POLN: variants seen among roughly 807,000 people sequenced by gnomAD.
POLN encodes DNA polymerase nu, also known as DNA polymerase N.
POLN carries 108 observed loss-of-function variants against 113.5 expected under a neutral mutation model. The ratio of observed to expected loss-of-function variants is 0.95; its 90% confidence interval spans 0.81 to 1.12. POLN has a LOEUF of 1.12. Among genes scored for constraint, POLN ranks in the 50% most tolerant of loss-of-function variants. The probability of loss-of-function intolerance (pLI) is 0.00; values close to 1 mark genes in which losing one functional copy is unlikely to be tolerated. For missense variants in POLN, 1,097 were observed against 1,077.1 expected, an observed-to-expected ratio of 1.02 and a Z score of -0.26; for synonymous variants, 386 against 391.5, an observed-to-expected ratio of 0.99 and a Z score of 0.17.
Position 2,171,105 on chromosome 4 carries a change from A to C in POLN, c.1451T>G (p.Leu484Arg). Residue 484 changes from leucine to arginine, a missense_variant, in exon 12 of 26, where the codon CTT (leucine) becomes CGT (arginine). Transcript: ENST00000511885. Reference sequence around the variant, plus strand: ...ACCAAAATTCAGCTTTACCTCTCGAAGCTGGTTATTGCTCGTTATAAGAAA... The same window carrying C: ...ACCAAAATTCAGCTTTACCTCTCGACGCTGGTTATTGCTCGTTATAAGAAA... ...ERFLITSNNQ[L>R]REILFGKLKL... The C allele has an allele frequency of 6.2e-7, 1 of 1,612,142 alleles. No homozygotes were observed. Among genetic ancestry groups the C allele is most frequent in the South Asian group, 1.1e-5 (1 of 90,316 alleles).
chr4:2,085,778 C>G, intron 20 of POLN, 34 bp from the exon 21 acceptor site: 1 of 1,610,562 alleles, frequency 6.2e-7, no homozygotes, highest in South Asian at 1.1e-5. Context: ...CAAAGCCTCA[C>G]TCACACCAGC....
chr4:2,149,154 C>T (rs1481523418), intron 16 of POLN, among the ~76,000 whole-genome samples: 1 of 151,940 alleles, frequency 6.6e-6, no homozygotes, highest in Non-Finnish European at 1.5e-5. Context: ...ATTAGCTGAG[C>T]GCAGTGGTAT....
chr4:2,148,785 C>G (rs1305156383), intron 16 of POLN, among the ~76,000 whole-genome samples: 1 of 151,862 alleles, frequency 6.6e-6, no homozygotes, highest in Non-Finnish European at 1.5e-5. Context: ...AAACATGATA[C>G]TATATCATAA....
intron 13 of POLN, among the ~76,000 whole-genome samples, chr4:2,162,402 T>A (rs1732620666): frequency 6.7e-6 from 1 of 150,366 alleles, no homozygotes; most frequent in African/African-American, 2.4e-5. Context: ...CATCCGAACA[T>A]CAGAAGGAAC....
chr4:2,184,960 A>G (rs1382944917), intron 7 of POLN, among the ~76,000 whole-genome samples: 1 of 152,248 alleles, frequency 6.6e-6, no homozygotes. Context: ...ACGGGTAAAT[A>G]AAGGAAAATA....
chr4:2,128,495 A>G (rs1418055944), intron 18 of POLN, among the ~76,000 whole-genome samples: 1 of 152,222 alleles, frequency 6.6e-6, no homozygotes, highest in East Asian at 1.9e-4. Flanking sequence ...TATCCTATTT[A>G]TAGGCCCCAT....
chr4:2,090,180 T>G (rs1730632873), intron 20 of POLN: 1 of 979,186 alleles, frequency 1.0e-6, no homozygotes, highest in Non-Finnish European at 1.5e-6. Flanking sequence ...AAAATAAGAC[T>G]CCTTACCTTT....
At chr4:2,230,616 A>T (rs1734546142) in intron 2 of POLN, 1 of 152,104 alleles carries the variant, frequency 6.6e-6, no homozygotes, top group African/African-American at 2.4e-5. Context: ...GGGTTTCAAA[A>T]ATCAAGAAGG....
At chr4:2,081,606 G>C (rs1560970223) in intron 22 of POLN, 27 bp downstream of exon 22, 7 of 1,608,486 alleles carry the variant, frequency 4.4e-6, no homozygotes, top group Admixed American at 1.7e-5. Flanking sequence ...AATGGACACA[G>C]AACTACAGGT....
At chr4:2,139,035 A>C (rs1012472133) in intron 16 of POLN, among the ~76,000 whole-genome samples, 1 of 152,036 alleles carries the variant, frequency 6.6e-6, no homozygotes, top group African/African-American at 2.4e-5. Context: ...CCGGGAAAGG[A>C]GATGCTCATG....
chr4:2,117,118 G>A lies in POLN; in HGVS notation c.1982+10995C>T, dbSNP rs184608435. On this transcript the variant is annotated intron_variant, in intron 19 of 25. Coordinates refer to ENST00000511885, the MANE Select transcript of POLN (RefSeq NM_181808.4). ...TCCATGTCATTGCTTTCTGTGATTC[G>A]GGATTGTGGCCCAGACTACATCTGG... Among the ~76,000 whole-genome samples the A allele has an allele frequency of 4.1e-4, 62 of 152,256 alleles. 1 individual carries two copies. Among genetic ancestry groups the A allele is most frequent in the South Asian group, 3.7e-3 (18 of 4,816 alleles).
chr4:2,162,476 T>G (rs62285177), intron 13 of POLN, among the ~76,000 whole-genome samples: 1 of 152,146 alleles, frequency 6.6e-6, no homozygotes, highest in South Asian at 2.1e-4. Flanking sequence ...GCTTCATTCT[T>G]GAAGTCAGTG....
At chr4:2,134,343 G>A (rs1731799528) in intron 16 of POLN, among the ~76,000 whole-genome samples, 3 of 152,172 alleles carry the variant, frequency 2.0e-5, no homozygotes, top group Admixed American at 1.3e-4. Flanking sequence ...TTCTTGTGTG[G>A]ACATAAGTTT....
intron 16 of POLN, among the ~76,000 whole-genome samples, chr4:2,142,818 G>T (rs1481927185): frequency 6.6e-6 from 1 of 151,154 alleles, no homozygotes; most frequent in Non-Finnish European, 1.5e-5. Context: ...CGTGATTGTG[G>T]TTTTTTTTTA....
chr4:2,218,255 A>G (rs1232148517), intron 3 of POLN, among the ~76,000 whole-genome samples: 1 of 149,088 alleles, frequency 6.7e-6, no homozygotes, highest in Non-Finnish European at 1.5e-5. Flanking sequence ...AACATGGAGA[A>G]AGCCCGTCTC....
chr4:2,209,480 G>GAAAAAA (rs1245386319), intron 4 of POLN, among the ~76,000 whole-genome samples: 1 of 72,196 alleles, frequency 1.4e-5, no homozygotes, highest in Admixed American at 1.5e-4. Context: ...CTCCGTCTCA[G>GAAAAAA]AAAAAAAAAA....
At position 2,229,085 on chromosome 4, in the gene POLN, T is replaced by TA. The variant is rs1577789798; in HGVS notation, c.133+13dup. 3.2e-6 allele frequency: 5 copies of TA among 1,570,564 alleles called. No homozygotes were observed. Among genetic ancestry groups the TA allele is most frequent in the Non-Finnish European group, 4.3e-6 (5 of 1,155,862 alleles). ...AAGTATCAAGAGAAAGAAAGGTTCA[T>TA]AAAAATTACTTACTCTCTGTACTCT... is the stretch of plus-strand genomic sequence containing the variant. On this transcript the variant is annotated intron_variant, in intron 3 of 25. Transcript: ENST00000511885.
chr4:2,095,954 T>A (rs1192003022), intron 19 of POLN, 21 bp from the exon 20 acceptor site: 10 of 1,611,198 alleles, frequency 6.2e-6, no homozygotes, highest in Non-Finnish European at 8.5e-6. Context: ...AGACCATGTG[T>A]GAAGTTCAGG....
At chr4:2,121,176 T>TG (rs1208258460) in intron 19 of POLN, among the ~76,000 whole-genome samples, 4 of 152,182 alleles carry the variant, frequency 2.6e-5, no homozygotes, top group Non-Finnish European at 5.9e-5. Flanking sequence ...AGCTCATGCC[T>TG]GTAATCCTAG....
Sources: allele counts gnomAD v4.1 joint callset (sites outside exome capture counted in the v4.1 genomes callset), GRCh38; gene constraint gnomAD v4.1.1; transcripts MANE v1.5; gene names NCBI Gene and HGNC (gene_info 2026-07-23, HGNC 2026-07-21).